The following ST7 variants were observed in gnomAD, a reference collection of about 807,000 sequenced individuals.
ST7 encodes suppression of tumorigenicity 7.
In ST7, 28 loss-of-function variants were observed where a neutral mutation model predicts 78.7. The ratio of observed to expected loss-of-function variants is 0.36; its 90% CI spans 0.26 to 0.49. The LOEUF is 0.49. ST7 is among the 20% of genes least tolerant of loss of function. The pLI, the probability that ST7 is intolerant of heterozygous loss-of-function variation, is 0.99. For synonymous variants in ST7, 247 were observed against 249.6 expected (o/e 0.99, Z 0.10); for missense variants, 418 against 696.0 (o/e 0.60, Z 4.49).
chr7:117,011,186 C>T (rs974097082), intron 1 of ST7, among the ~76,000 whole-genome samples: 1 of 152,022 alleles, frequency 6.6e-6, no homozygotes, highest in East Asian at 1.9e-4. Context: ...CTACTTACCA[C>T]CAGGCTGAGT....
chr7:117,070,704 C>G (rs1311453186), intron 1 of ST7, among the ~76,000 whole-genome samples: 1 of 151,806 alleles, frequency 6.6e-6, no homozygotes, highest in African/African-American at 2.4e-5. Flanking sequence ...CCATGCCCTG[C>G]TAATTTCTTT....
At chr7:117,073,338 A>G (rs1799113135) in intron 1 of ST7, among the ~76,000 whole-genome samples, 1 of 152,226 alleles carries the variant, frequency 6.6e-6, no homozygotes. Flanking sequence ...ATTACATAAT[A>G]TGTTAGTGAA....
chr7:117,215,241 C>T (rs952077568), intron 13 of ST7, among the ~76,000 whole-genome samples: 12 of 152,162 alleles, frequency 7.9e-5, no homozygotes, highest in East Asian at 1.9e-4. Context: ...TATTGCTGCA[C>T]CCAAATGCCT....
In ST7 at chr7:117,226,286, C is replaced by CT. The variant is rs541930276; in HGVS notation, c.1639-3469dup. Among the ~76,000 whole-genome samples, 41 of 152,244 alleles carry CT rather than the reference C, an allele frequency of 2.7e-4. No individual in the cohort carries two copies. In the South Asian group the frequency reaches 6.9e-3, roughly 25 times the overall value. On this transcript the variant is annotated intron_variant, in intron 15 of 15. Coordinates refer to ENST00000323984, the MANE Select transcript of ST7 (RefSeq NM_001369598.1). ...GATCAGGCAATTGAAATGTCGTTCT[C>CT]TTTTTTTACTAGTTCAGTTGCTTTT...
intron 9 of ST7, among the ~76,000 whole-genome samples, chr7:117,153,386 G>A (rs188741728): frequency 8.6e-4 from 131 of 152,278 alleles, no homozygotes; most frequent in African/African-American, 3.1e-3. Context: ...GGAAGGATCA[G>A]CATGGGAGGT....
intron 1 of ST7, chr7:116,956,328 C>G: frequency 2.7e-6 from 1 of 370,052 alleles, no homozygotes; most frequent in Admixed American, 3.7e-5. Context: ...TTAGCCAGCA[C>G]CCCTGAGAGG....
At chr7:117,071,382 A>G (rs900871342) in intron 1 of ST7, among the ~76,000 whole-genome samples, 4 of 152,216 alleles carry the variant, frequency 2.6e-5, no homozygotes, top group Non-Finnish European at 5.9e-5. Context: ...AAACTTTTAA[A>G]CTTTAACCCA....
At chr7:116,969,371 G>A (rs967387080) in intron 1 of ST7, among the ~76,000 whole-genome samples, 6 of 152,116 alleles carry the variant, frequency 3.9e-5, no homozygotes, top group African/African-American at 1.4e-4. Context: ...TTAGACTATC[G>A]CTTAATTGAG....
intron 1 of ST7, among the ~76,000 whole-genome samples, chr7:117,095,325 C>T (rs1457870267): frequency 6.6e-6 from 1 of 152,218 alleles, no homozygotes; most frequent in Non-Finnish European, 1.5e-5. Flanking sequence ...ATTCCCTGCT[C>T]ACTGGGGTGA....
chr7:117,132,515 G>C (rs1256651981), intron 6 of ST7, among the ~76,000 whole-genome samples: 1 of 151,796 alleles, frequency 6.6e-6, no homozygotes. Flanking sequence ...CTTAAAGTTG[G>C]AGTCATAAAA....
At chr7:116,959,983 T>C (rs2116154548) in intron 1 of ST7, among the ~76,000 whole-genome samples, 1 of 152,342 alleles carries the variant, frequency 6.6e-6, no homozygotes, top group African/African-American at 2.4e-5. Flanking sequence ...TTTTACAGTT[T>C]GGACTCTTAA....
At chr7:117,221,800 T>C in intron 14 of ST7, 123 bp from the exon 15 acceptor site, 1 of 1,155,634 alleles carries the variant, frequency 8.7e-7, no homozygotes, top group Non-Finnish European at 1.2e-6. Flanking sequence ...GGTGTGCTAT[T>C]TTTTCATTTC....
chr7:117,031,542 A>G (rs765001000), intron 1 of ST7, among the ~76,000 whole-genome samples: 75 of 288 alleles, frequency 0.26, 36 homozygotes, highest in East Asian at 1. Flanking sequence ...ATATGTGTGT[A>G]TATGTGCATA....
intron 1 of ST7, chr7:117,090,625 T>A (rs1800539558): frequency 6.2e-6 from 1 of 160,882 alleles, no homozygotes; most frequent in Non-Finnish European, 1.5e-5. Flanking sequence ...TTCTTCCTGG[T>A]ATTAAATAGT....
intron 15 of ST7, among the ~76,000 whole-genome samples, chr7:117,224,439 A>G (rs1793311672): frequency 6.6e-6 from 1 of 152,226 alleles, no homozygotes; most frequent in South Asian, 2.1e-4. Context: ...TCTACTCCCT[A>G]GCCAATCTCT....
intron 1 of ST7, among the ~76,000 whole-genome samples, chr7:117,094,980 C>T (rs1177535380): frequency 6.6e-6 from 1 of 152,126 alleles, no homozygotes; most frequent in Non-Finnish European, 1.5e-5. Context: ...CGGCACAAAG[C>T]ACACCCATAT....
At chr7:117,079,120 A>G (rs1799565145) in intron 1 of ST7, among the ~76,000 whole-genome samples, 1 of 152,206 alleles carries the variant, frequency 6.6e-6, no homozygotes, top group Admixed American at 6.5e-5. Flanking sequence ...TGTACTAAAC[A>G]TGGATAGCAT....
Position 117,130,620 on chromosome 7 carries a change from A to G in ST7, c.565+14A>G, listed in dbSNP as rs754199817. The G allele has an allele frequency of 1.9e-6, 3 of 1,597,462 alleles. No homozygotes were observed. The Admixed American group carries it at 5.1e-5, about 27-fold the overall frequency. On this transcript the variant is annotated intron_variant, in intron 5 of 15. Transcript: ENST00000323984. ...CCGCAGATGCAAGTATGAAAAATCC[A>G]TACATCCTTCTGAATGGGAGGGCTT... is the stretch of plus-strand genomic sequence containing the variant.
At chr7:116,990,716 C>T (rs1256248518) in intron 1 of ST7, among the ~76,000 whole-genome samples, 1 of 152,144 alleles carries the variant, frequency 6.6e-6, no homozygotes, top group Non-Finnish European at 1.5e-5. Context: ...AAATCCCCTT[C>T]CATACCCATC....
Sources: gnomAD v4.1 joint callset for allele counts (sites outside exome capture counted in the v4.1 genomes callset) on GRCh38, gnomAD v4.1.1 for gene constraint, MANE v1.5 for transcripts, NCBI Gene and HGNC (gene_info 2026-07-23, HGNC 2026-07-21) for gene names.